Variants in PLEKHG1 observed in about 807,000 individuals in gnomAD.
PLEKHG1 encodes the protein pleckstrin homology domain-containing family G member 1.
A neutral mutation model predicts 100.8 loss-of-function variants in PLEKHG1; 44 were observed. The observed-to-expected ratio is 0.44, with a 90% CI of 0.34 to 0.56. The LOEUF is 0.56. PLEKHG1 is among the 20% of genes least tolerant of loss of function. The pLI is 0.01. For synonymous variants in PLEKHG1, 640 were observed against 662.5 expected, an observed-to-expected ratio of 0.97 and a Z score of 0.52; for missense variants, 1,545 against 1,720.9, an observed-to-expected ratio of 0.90 and a Z score of 1.81.
intron 3 of PLEKHG1, among the ~76,000 whole-genome samples, chr6:150,670,502 A>G (rs1322078989): frequency 6.6e-6 from 1 of 152,216 alleles, no homozygotes; most frequent in African/African-American, 2.4e-5. Flanking sequence ...CGCTACCAGT[A>G]CCAGTCACAA....
chr6:150,833,340 G>T, intron 15 of PLEKHG1, among the ~76,000 whole-genome samples: 1 of 152,296 alleles, frequency 6.6e-6, no homozygotes, highest in South Asian at 2.1e-4. Context: ...GGCGTGAGCC[G>T]CCACACCTGG....
chr6:150,804,633 G>A lies in PLEKHG1; in HGVS notation c.804G>A (p.Lys268=), dbSNP rs775338071. 10 of 1,606,978 alleles carry A rather than the reference G, an allele frequency of 6.2e-6. No homozygotes were observed. The South Asian group carries it at 1.0e-4, about 16-fold the overall frequency. ...AGGAAATAGAAAACCACCTTGATAA[G>A]GACACAGAAGGCTATGATGTGGTGC... is the stretch of plus-strand genomic sequence containing the variant. The change falls in exon 7 of 16, where the codon AAG becomes AAA. Residue 268 remains lysine (K), a synonymous_variant. Coordinates refer to ENST00000358517, the Ensembl canonical transcript of PLEKHG1.
At chr6:150,642,917 G>A (rs774756848) in intron 2 of PLEKHG1, among the ~76,000 whole-genome samples, 12 of 151,718 alleles carry the variant, frequency 7.9e-5, no homozygotes, top group Non-Finnish European at 1.5e-4. Flanking sequence ...TAATAGTAGC[G>A]GTACTTAAGT....
chr6:150,730,617 A>G (rs1287683877), intron 1 of PLEKHG1, among the ~76,000 whole-genome samples: 1 of 152,060 alleles, frequency 6.6e-6, no homozygotes, highest in Admixed American at 6.6e-5. Flanking sequence ...AGAATATCCA[A>G]CTTGGCCAGA....
At chr6:150,758,170 A>C (rs920040434) in intron 2 of PLEKHG1, among the ~76,000 whole-genome samples, 1 of 152,170 alleles carries the variant, frequency 6.6e-6, no homozygotes, top group African/African-American at 2.4e-5. Context: ...TAATAGAATG[A>C]TTTATATTCC....
rs1372149737 is a variant in PLEKHG1 at position 150,769,567 on chromosome 6, A to G, written c.512+829A>G. Among the ~76,000 whole-genome samples the G allele has an allele frequency of 2.1e-5, 3 of 143,266 alleles. No homozygotes were observed. In the Admixed American group the frequency reaches 2.2e-4, roughly 10 times the overall value. The allele number at this position is 143,266 out of a possible 152,430, so 94.0% of individuals were successfully genotyped here. ...CTGCAATCTGTCCAGCCAGGGTGAC[A>G]GAGCAAGACTCCATCTCAAAAAAAA... On this transcript the variant is annotated intron_variant, in intron 3 of 15. Coordinates refer to ENST00000358517, the Ensembl canonical transcript of PLEKHG1.
intron 2 of PLEKHG1, among the ~76,000 whole-genome samples, chr6:150,747,435 A>C (rs1027879140): frequency 1.3e-5 from 2 of 152,094 alleles, no homozygotes; most frequent in African/African-American, 4.8e-5. Flanking sequence ...AACCTACATA[A>C]CTTAGTAGTT....
intron 3 of PLEKHG1, among the ~76,000 whole-genome samples, chr6:150,651,482 C>T (rs900373466): frequency 2.6e-5 from 4 of 152,142 alleles, no homozygotes; most frequent in Non-Finnish European, 5.9e-5. Flanking sequence ...GAGCCATCCA[C>T]CTCGGCCACC....
chr6:150,792,008 A>G (rs778935178), intron 4 of PLEKHG1, among the ~76,000 whole-genome samples: 9 of 152,246 alleles, frequency 5.9e-5, no homozygotes, highest in Admixed American at 6.5e-5. Context: ...TGTTAGCATC[A>G]TTGAGAAATG....
In PLEKHG1 at chr6:150,820,811, G is replaced by T. The variant is rs146163210; in HGVS notation, c.1409-384G>T. On this transcript the variant is annotated intron_variant, in intron 12 of 15. Coordinates refer to ENST00000358517, the Ensembl canonical transcript of PLEKHG1. Reference sequence around the variant, plus strand: ...ACCTGGGAAGCAGAGGTTGCAAGGAGCCGAGATCGTACCATTGCACTCCAA... The same window carrying T: ...ACCTGGGAAGCAGAGGTTGCAAGGATCCGAGATCGTACCATTGCACTCCAA... Among the ~76,000 whole-genome samples the T allele has an allele frequency of 2.3e-3, 352 of 152,274 alleles. 2 individuals carry two copies. Among genetic ancestry groups the T allele is most frequent in the African/African-American group, 8.0e-3 (334 of 41,552 alleles).
chr6:150,752,015 C>T (rs954862898), intron 2 of PLEKHG1, among the ~76,000 whole-genome samples: 7 of 152,004 alleles, frequency 4.6e-5, no homozygotes, highest in African/African-American at 1.7e-4. Flanking sequence ...ATGGTGAAAC[C>T]CTGTCTCTAC....
chr6:150,813,262 G>T (rs996267057), intron 10 of PLEKHG1, among the ~76,000 whole-genome samples: 7 of 146,674 alleles, frequency 4.8e-5, no homozygotes, highest in African/African-American at 1.5e-4. Flanking sequence ...CCGAGATCAC[G>T]CCACTGCACT....
At chr6:150,674,019 CCACCACA>C (rs947966323) in intron 3 of PLEKHG1, among the ~76,000 whole-genome samples, 2 of 152,110 alleles carry the variant, frequency 1.3e-5, no homozygotes, top group Non-Finnish European at 2.9e-5. Flanking sequence ...ACCTCCCTCT[CCACCACA>C]CACCACACAC....
At chr6:150,716,915 G>A (rs969457709), upstream of PLEKHG1, among the ~76,000 whole-genome samples, 32 of 151,878 alleles carry the variant, frequency 2.1e-4, 1 homozygote, top group African/African-American at 6.3e-4. Flanking sequence ...GCGGTGGTGC[G>A]ATCCTAGCTC....
chr6:150,772,095 C>T (rs1583096577), intron 3 of PLEKHG1, among the ~76,000 whole-genome samples: 1 of 152,284 alleles, frequency 6.6e-6, no homozygotes, highest in African/African-American at 2.4e-5. Context: ...AACCAGTTCT[C>T]CAGCATGGGG....
At chr6:150,700,563 GC>G (rs112937874) in intron 3 of PLEKHG1, among the ~76,000 whole-genome samples, 5,102 of 152,056 alleles carry the variant, frequency 0.034, 274 homozygotes, top group African/African-American at 0.12. Context: ...TTTACCTCGG[GC>G]CCCCCTTCAC....
At chr6:150,817,470 T>G (rs1165432053) in intron 10 of PLEKHG1, among the ~76,000 whole-genome samples, 2 of 152,002 alleles carry the variant, frequency 1.3e-5, no homozygotes, top group Non-Finnish European at 2.9e-5. Context: ...CATAGTGTCA[T>G]GGTGAGGGCT....
intron 2 of PLEKHG1, among the ~76,000 whole-genome samples, chr6:150,744,974 A>G (rs1783076211): frequency 6.6e-6 from 1 of 152,222 alleles, no homozygotes; most frequent in Non-Finnish European, 1.5e-5. Flanking sequence ...GAGAGTATAG[A>G]TGATAGAGGG....
At chr6:150,737,699 A>G (rs1350207399) in intron 2 of PLEKHG1, among the ~76,000 whole-genome samples, 1 of 152,030 alleles carries the variant, frequency 6.6e-6, no homozygotes, top group Non-Finnish European at 1.5e-5. Context: ...AATGTTCTCC[A>G]TTTTTCAAAT....
Sources: allele counts gnomAD v4.1 joint callset (sites outside exome capture counted in the v4.1 genomes callset), GRCh38; gene constraint gnomAD v4.1.1; transcripts MANE v1.5; gene names NCBI Gene and HGNC (gene_info 2026-07-23, HGNC 2026-07-21).